SOX5: variants seen among roughly 807,000 people sequenced by gnomAD.
SOX5 encodes the protein SRY-box transcription factor 5.
Under a neutral mutation model 92.0 loss-of-function variants are expected in SOX5, and 9 were observed. The ratio of observed to expected loss-of-function variants is 0.10; its 90% CI spans 0.06 to 0.17. The LOEUF is 0.17. Ranked by LOEUF, SOX5 falls within the 10% of genes least tolerant of loss-of-function variation. SOX5 has a pLI of 1.00. For synonymous variants in SOX5, 344 were observed against 336.3 expected, an observed-to-expected ratio of 1.02 and a Z score of -0.25; for missense variants, 642 against 944.5, an observed-to-expected ratio of 0.68 and a Z score of 4.20.
intron 4 of SOX5, among the ~76,000 whole-genome samples, chr12:24,098,089 G>A (rs1186459159): frequency 5.9e-5 from 9 of 152,028 alleles, no homozygotes; most frequent in Non-Finnish European, 1.3e-4. Context: ...CTTGGAAGTA[G>A]GTAGGTACTT....
intron 2 of SOX5, among the ~76,000 whole-genome samples, chr12:24,288,651 T>C (rs548985953): frequency 6.6e-6 from 1 of 152,260 alleles, no homozygotes; most frequent in South Asian, 2.1e-4. Flanking sequence ...ATTTCAATAA[T>C]ATGAATTGGG....
intron 4 of SOX5, among the ~76,000 whole-genome samples, chr12:23,969,639 A>G (rs1947996720): frequency 6.6e-6 from 1 of 152,136 alleles, no homozygotes; most frequent in Admixed American, 6.6e-5. Context: ...TTTCAGTTCT[A>G]CTTCTTCTGA....
chr12:23,791,911 T>A (rs1033702438), intron 3 of SOX5, among the ~76,000 whole-genome samples: 4 of 151,886 alleles, frequency 2.6e-5, no homozygotes, highest in Non-Finnish European at 5.9e-5. Flanking sequence ...CTTTTTAATT[T>A]TACTTGTATA....
At chr12:24,453,599 T>C (rs557253830) in intron 1 of SOX5, among the ~76,000 whole-genome samples, 50 of 152,338 alleles carry the variant, frequency 3.3e-4, no homozygotes, top group African/African-American at 1.1e-3. Flanking sequence ...CATTCATGGT[T>C]AGTAATTTCT....
intron 6 of SOX5, among the ~76,000 whole-genome samples, chr12:23,714,632 A>C (rs1325622018): frequency 6.6e-6 from 1 of 151,838 alleles, no homozygotes; most frequent in Non-Finnish European, 1.5e-5. Context: ...AAAAACAAGC[A>C]AACAACAAAA....
chr12:23,586,165 C>G (rs914053514), intron 9 of SOX5, among the ~76,000 whole-genome samples: 1 of 152,038 alleles, frequency 6.6e-6, no homozygotes, highest in African/African-American at 2.4e-5. Flanking sequence ...CATTTTTGTT[C>G]CCCTTAGCAC....
At position 23,533,112 on chromosome 12, in the gene SOX5, T is replaced by A. The variant is rs770517716; in HGVS notation, c.*1107A>T. The A allele has an allele frequency of 2.2e-6, 1 of 453,448 alleles. No individual in the cohort carries two copies. The highest frequency in any genetic ancestry group is 1.6e-5 in the South Asian group (1 of 64,034). The allele number at this position is 453,448 out of a possible 1,614,324, so 28.1% of individuals were successfully genotyped here. On this transcript the variant is annotated 3_prime_UTR_variant, in exon 15 of 15. Coordinates refer to ENST00000451604, the MANE Select transcript of SOX5 (RefSeq NM_006940.6). ...CTGAGCCCTATACTTGGTTAAGTTG[T>A]CATTTGAAGTGCAAAGTCAAGGTCA...
chr12:24,259,702 G>T (rs1341324491), intron 3 of SOX5, among the ~76,000 whole-genome samples: 1 of 152,152 alleles, frequency 6.6e-6, no homozygotes, highest in African/African-American at 2.4e-5. Flanking sequence ...AATGCATCAG[G>T]CTGGCTTGAT....
chr12:23,738,858 C>T (rs900771987), intron 5 of SOX5, among the ~76,000 whole-genome samples: 3 of 152,066 alleles, frequency 2.0e-5, no homozygotes, highest in African/African-American at 7.2e-5. Context: ...CTGTTACAGG[C>T]AAGCATTCTG....
At chr12:24,158,188 G>A (rs1021828419) in intron 4 of SOX5, among the ~76,000 whole-genome samples, 2 of 151,940 alleles carry the variant, frequency 1.3e-5, no homozygotes, top group African/African-American at 4.8e-5. Context: ...ATAAAAGGGG[G>A]CAAGGCAGTA....
At chr12:23,595,716 CA>C (rs1299963129) in intron 9 of SOX5, among the ~76,000 whole-genome samples, 2 of 149,850 alleles carry the variant, frequency 1.3e-5, no homozygotes, top group African/African-American at 2.5e-5. Flanking sequence ...AATTGTTATT[CA>C]GTGAAACCAC....
intron 1 of SOX5, among the ~76,000 whole-genome samples, chr12:24,558,324 C>T (rs1358752335): frequency 3.9e-5 from 6 of 152,222 alleles, no homozygotes; most frequent in Non-Finnish European, 5.9e-5. Flanking sequence ...TCAAAAGTCC[C>T]GTGTAGGCAG....
At chr12:24,282,077 A>T (rs903207680) in intron 2 of SOX5, among the ~76,000 whole-genome samples, 2 of 152,250 alleles carry the variant, frequency 1.3e-5, no homozygotes, top group African/African-American at 4.8e-5. Context: ...CAGAGACTCA[A>T]CCAAATCTCA....
intron 3 of SOX5, among the ~76,000 whole-genome samples, chr12:24,264,106 C>T (rs1942668703): frequency 2.6e-5 from 4 of 152,032 alleles, no homozygotes; most frequent in Admixed American, 2.6e-4. Flanking sequence ...ACTCTTAAAA[C>T]ATAAGGGAGA....
chr12:24,184,062 C>T (rs1955782983), intron 4 of SOX5, among the ~76,000 whole-genome samples: 1 of 152,044 alleles, frequency 6.6e-6, no homozygotes, highest in African/African-American at 2.4e-5. Context: ...TACCTATCTG[C>T]AAATACCTTA....
chr12:23,721,154 T>C lies in SOX5; in HGVS notation c.810+13530A>G, dbSNP rs576173082. 5.1e-3 allele frequency among the ~76,000 whole-genome samples: 780 copies of C among 152,258 alleles called. 7 individuals carry two copies. Among genetic ancestry groups the C allele is most frequent in the South Asian group, 0.019 (93 of 4,828 alleles). Reference sequence around the variant, plus strand: ...AGGCTGGAGTGCAATGGCACGATCTTGGCTGACTGCAACCTCCACCTCCCA... The same window carrying C: ...AGGCTGGAGTGCAATGGCACGATCTCGGCTGACTGCAACCTCCACCTCCCA... On this transcript the variant is annotated intron_variant, in intron 6 of 14. Transcript: ENST00000451604.
chr12:23,557,812 G>GA (rs1268900462), intron 11 of SOX5, among the ~76,000 whole-genome samples: 1 of 151,834 alleles, frequency 6.6e-6, no homozygotes, highest in East Asian at 1.9e-4. Context: ...TGCCTCTACT[G>GA]AAAATACAAA....
intron 7 of SOX5, among the ~76,000 whole-genome samples, chr12:23,661,557 A>T (rs952651409): frequency 2.6e-5 from 4 of 152,264 alleles, no homozygotes; most frequent in Non-Finnish European, 5.9e-5. Context: ...TGTGTAAAGT[A>T]GGATTTGCTC....
intron 3 of SOX5, among the ~76,000 whole-genome samples, chr12:24,247,601 T>A (rs941427813): frequency 1.2e-4 from 18 of 151,500 alleles, no homozygotes; most frequent in African/African-American, 4.1e-4. Flanking sequence ...GCACGTTACA[T>A]CTTTACCCCA....
Sources: allele counts gnomAD v4.1 joint callset (sites outside exome capture counted in the v4.1 genomes callset), GRCh38; gene constraint gnomAD v4.1.1; transcripts MANE v1.5; gene names NCBI Gene and HGNC (gene_info 2026-07-23, HGNC 2026-07-21).